Variants in MGAT4C observed in about 807,000 individuals in gnomAD.
MGAT4C encodes the protein MGAT4 family member C.
Under a neutral mutation model 40.1 loss-of-function variants are expected in MGAT4C, and 19 were observed. The observed-to-expected ratio is 0.47, with a 90% CI of 0.33 to 0.70. The LOEUF is 0.70. Among genes scored for constraint, MGAT4C ranks in the 30% least tolerant of loss-of-function variants. The pLI, the probability that MGAT4C is intolerant of heterozygous loss-of-function variation, is 0.02. For missense variants in MGAT4C, 491 were observed against 563.2 expected (o/e 0.87, Z 1.30); for synonymous variants, 181 against 187.1 (o/e 0.97, Z 0.27).
intron 2 of MGAT4C, among the ~76,000 whole-genome samples, chr12:85,999,018 C>T (rs1886971978): frequency 2.6e-5 from 4 of 152,142 alleles, no homozygotes; most frequent in African/African-American, 9.7e-5. Context: ...ACTTACAGTT[C>T]CACATGGCTG....
intron 2 of MGAT4C, among the ~76,000 whole-genome samples, chr12:86,532,334 G>A (rs1459607420): frequency 6.6e-6 from 1 of 151,924 alleles, no homozygotes; most frequent in African/African-American, 2.4e-5. Flanking sequence ...TAAGAAAAAT[G>A]AATTCAAATA....
intron 2 of MGAT4C, among the ~76,000 whole-genome samples, chr12:86,697,016 T>A (rs1487534275): frequency 1.3e-5 from 2 of 152,164 alleles, no homozygotes; most frequent in Non-Finnish European, 2.9e-5. Context: ...GTGTAGTTGA[T>A]AAACCCTTAT....
In MGAT4C at chr12:86,291,089, A is replaced by C. The variant is rs189533052; in HGVS notation, c.-57+42976T>G. Among the ~76,000 whole-genome samples, 291 of 152,332 alleles carry C rather than the reference A, an allele frequency of 1.9e-3. 3 individuals carry two copies. Among genetic ancestry groups the C allele is most frequent in the Admixed American group, 0.018 (280 of 15,294 alleles). ...CTGCCCACTCAAGCTTGATGGTCAC[A>C]AGCTTATCTGACTTTAAGGTGAGAT... On this transcript the variant is annotated intron_variant, in intron 4 of 7. Coordinates refer to the MGAT4C transcript ENST00000548651.
intron 4 of MGAT4C, among the ~76,000 whole-genome samples, chr12:86,312,263 G>T (rs1261073086): frequency 6.6e-6 from 1 of 152,146 alleles, no homozygotes; most frequent in African/African-American, 2.4e-5. Flanking sequence ...AAAACCTGAA[G>T]GTGCTTTAAA....
At chr12:86,800,371 TGTTG>T (rs1952203786) in intron 1 of MGAT4C, among the ~76,000 whole-genome samples, 1 of 151,924 alleles carries the variant, frequency 6.6e-6, no homozygotes, top group African/African-American at 2.4e-5. Flanking sequence ...AGCCTCCAGC[TGTTG>T]GTAATCTCTG....
intron 1 of MGAT4C, among the ~76,000 whole-genome samples, chr12:86,050,477 C>T (rs961616634): frequency 6.6e-6 from 1 of 151,960 alleles, no homozygotes. Context: ...TACATAAACA[C>T]ATATTTATAT....
chr12:86,473,438 C>A (rs1055143531), intron 2 of MGAT4C, among the ~76,000 whole-genome samples: 2 of 152,174 alleles, frequency 1.3e-5, no homozygotes, highest in Non-Finnish European at 2.9e-5. Flanking sequence ...GAACATTTAT[C>A]ACTGATACAT....
chr12:86,423,121 A>G (rs1229635593), intron 3 of MGAT4C, among the ~76,000 whole-genome samples: 2 of 152,158 alleles, frequency 1.3e-5, no homozygotes, highest in East Asian at 3.8e-4. Context: ...CTTTGCCTGT[A>G]CTGTTTGCTT....
intron 2 of MGAT4C, among the ~76,000 whole-genome samples, chr12:86,019,751 GA>G (rs1239913074): frequency 6.6e-6 from 1 of 152,050 alleles, no homozygotes; most frequent in East Asian, 1.9e-4. Context: ...GCTTGATGGG[GA>G]TGGCATTGAA....
intron 2 of MGAT4C, among the ~76,000 whole-genome samples, chr12:86,674,999 T>C (rs1964354776): frequency 6.6e-6 from 1 of 152,172 alleles, no homozygotes; most frequent in South Asian, 2.1e-4. Flanking sequence ...TCATTTTACC[T>C]TCATTATAAC....
rs116586830 is a variant in MGAT4C at position 86,241,095 on chromosome 12, G to A, written c.-57+15144C>T. Among the ~76,000 whole-genome samples the A allele has an allele frequency of 2.4e-3, 371 of 152,154 alleles. 1 individual carries two copies. The highest frequency in any genetic ancestry group is 7.4e-3 in the African/African-American group (306 of 41,526). ...AAAAAAATAATACACAGGTGATTTT[G>A]TTATCTGGGAAACAAATCTGGGGGT... On this transcript the variant is annotated intron_variant, in intron 1 of 4. Coordinates refer to ENST00000611864, the MANE Select transcript of MGAT4C (RefSeq NM_001351288.2).
chr12:86,693,329 GTTA>G, intron 2 of MGAT4C, among the ~76,000 whole-genome samples: 1 of 152,198 alleles, frequency 6.6e-6, no homozygotes, highest in East Asian at 1.9e-4. Context: ...TCTTCTCTTG[GTTA>G]TTTTTTCTCT....
chr12:86,334,345 TA>T (rs1287339610), intron 3 of MGAT4C, among the ~76,000 whole-genome samples: 1 of 152,114 alleles, frequency 6.6e-6, no homozygotes, highest in Non-Finnish European at 1.5e-5. Flanking sequence ...TGTAGAAACT[TA>T]ACTAAGGCTA....
chr12:86,438,730 C>T (rs1288354887), intron 2 of MGAT4C, among the ~76,000 whole-genome samples: 1 of 151,688 alleles, frequency 6.6e-6, no homozygotes, highest in Non-Finnish European at 1.5e-5. Flanking sequence ...TCAAGACACA[C>T]ACCTAACCAT....
chr12:86,461,556 C>T (rs887845676), intron 2 of MGAT4C, among the ~76,000 whole-genome samples: 1 of 152,048 alleles, frequency 6.6e-6, no homozygotes, highest in African/African-American at 2.4e-5. Flanking sequence ...CATCTTCTTA[C>T]TAATAGTTAT....
rs1411673212 is a variant in MGAT4C, at chr12:86,237,685, C to A, written c.-57+18554G>T. Reference sequence around the variant, plus strand: ...AGATAAATTTGTGTTGCTGTAAGTTCTTTGAAGCTCACAGTCTACTTGCAA... The same window carrying A: ...AGATAAATTTGTGTTGCTGTAAGTTATTTGAAGCTCACAGTCTACTTGCAA... On this transcript the variant is annotated intron_variant, in intron 1 of 4. Transcript: ENST00000611864. Among the ~76,000 whole-genome samples the A allele has an allele frequency of 2.0e-5, 3 of 151,726 alleles. No individual in the cohort carries two copies. In the East Asian group the frequency reaches 5.8e-4, roughly 29 times the overall value.
At chr12:86,200,534 T>A (rs547823914) in intron 1 of MGAT4C, among the ~76,000 whole-genome samples, 1 of 152,258 alleles carries the variant, frequency 6.6e-6, no homozygotes, top group East Asian at 1.9e-4. Flanking sequence ...TTGTTTCAAT[T>A]TTAGGCCTTC....
chr12:86,042,690 C>T (rs978974014), intron 2 of MGAT4C, among the ~76,000 whole-genome samples: 2 of 151,012 alleles, frequency 1.3e-5, no homozygotes, highest in African/African-American at 2.4e-5. Flanking sequence ...ACGGTGAAAC[C>T]CCATCTCTAC....
chr12:86,554,169 C>T (rs185127758), intron 2 of MGAT4C, among the ~76,000 whole-genome samples: 1 of 151,814 alleles, frequency 6.6e-6, no homozygotes, highest in East Asian at 1.9e-4. Flanking sequence ...CGTGTTCAGG[C>T]ACTCTCATGT....
Sources: gnomAD v4.1 joint callset for allele counts (sites outside exome capture counted in the v4.1 genomes callset) on GRCh38, gnomAD v4.1.1 for gene constraint, MANE v1.5 for transcripts, NCBI Gene and HGNC (gene_info 2026-07-23, HGNC 2026-07-21) for gene names.